The following SLC4A4 variants were observed in gnomAD, a reference collection of about 807,000 sequenced individuals.
SLC4A4 encodes the protein solute carrier family 4 member 4, also known as electrogenic sodium bicarbonate cotransporter 1.
A neutral mutation model predicts 111.5 loss-of-function variants in SLC4A4; 27 were observed. The ratio of observed to expected loss-of-function variants is 0.24; its 90% CI spans 0.18 to 0.33. The LOEUF is 0.33. SLC4A4 is among the 10% of genes least tolerant of loss of function. The pLI is 1.00. For missense variants in SLC4A4, 909 were observed against 1,315.5 expected (o/e 0.69, Z 4.78); for synonymous variants, 443 against 463.4 (o/e 0.96, Z 0.57).
chr4:71,262,493 A>G lies in SLC4A4; in HGVS notation c.253+7094A>G, dbSNP rs2602074. Among the ~76,000 whole-genome samples the G allele has an allele frequency of 6.4e-3, 970 of 152,306 alleles. 13 individuals carry two copies. Among genetic ancestry groups the G allele is most frequent in the African/African-American group, 0.022 (916 of 41,570 alleles). On this transcript the variant is annotated intron_variant, in intron 3 of 25. Transcript: ENST00000264485. ...AGGAGTCTCCATTTTCCTGGTTAAT[A>G]TAGAATCAAGATCCAAGTTATCCTT... is the stretch of plus-strand genomic sequence containing the variant.
At chr4:71,509,842 G>A (rs919073659) in intron 16 of SLC4A4, among the ~76,000 whole-genome samples, 28 of 152,162 alleles carry the variant, frequency 1.8e-4, no homozygotes, top group African/African-American at 6.8e-4. Context: ...TTGGTTCTAT[G>A]CTTTGTACAC....
At chr4:71,511,134 A>G (rs1731875494) in intron 16 of SLC4A4, among the ~76,000 whole-genome samples, 1 of 152,250 alleles carries the variant, frequency 6.6e-6, no homozygotes, top group Middle Eastern at 3.4e-3. Flanking sequence ...TATATCAAAT[A>G]TATAAGTAAT....
intron 7 of SLC4A4, among the ~76,000 whole-genome samples, chr4:71,423,610 C>T (rs1342229562): frequency 4.6e-5 from 7 of 152,214 alleles, no homozygotes; most frequent in Admixed American, 4.6e-4. Flanking sequence ...GCTACAGTAA[C>T]CAAAACAGCA....
chr4:71,400,471 G>A (rs996272043), intron 7 of SLC4A4, among the ~76,000 whole-genome samples: 1 of 152,146 alleles, frequency 6.6e-6, no homozygotes. Context: ...ATTCAGGAAT[G>A]TTCCTTTTGT....
At chr4:71,080,686 G>A (rs1328308027) in intron 1 of SLC4A4, among the ~76,000 whole-genome samples, 2 of 151,990 alleles carry the variant, frequency 1.3e-5, no homozygotes, top group African/African-American at 4.8e-5. Context: ...TCTGGGGTGA[G>A]TTGTGAGCAC....
At chr4:71,393,373 G>A (rs922024632) in intron 6 of SLC4A4, among the ~76,000 whole-genome samples, 2 of 151,972 alleles carry the variant, frequency 1.3e-5, no homozygotes, top group African/African-American at 2.4e-5. Context: ...CACCAACAGC[G>A]ACTCAACGGA....
intron 1 of SLC4A4, among the ~76,000 whole-genome samples, chr4:71,213,023 T>A (rs1718226376): frequency 6.6e-6 from 1 of 152,222 alleles, no homozygotes; most frequent in Admixed American, 6.5e-5. Flanking sequence ...TCATGTGCTG[T>A]ATGGGTTTGT....
At chr4:71,412,035 A>G (rs185117784) in intron 7 of SLC4A4, among the ~76,000 whole-genome samples, 47 of 152,378 alleles carry the variant, frequency 3.1e-4, no homozygotes, top group African/African-American at 1.1e-3. Context: ...AGATTAAGAC[A>G]TAATACGTTA....
chr4:71,164,670 A>C (rs1744697622), intron 2 of SLC4A4, among the ~76,000 whole-genome samples: 1 of 152,146 alleles, frequency 6.6e-6, no homozygotes, highest in Non-Finnish European at 1.5e-5. Flanking sequence ...AAAACACCAA[A>C]AGCAATGGCA....
chr4:71,487,136 G>A (rs566714080), intron 15 of SLC4A4, 118 bp downstream of exon 15: 10 of 611,426 alleles, frequency 1.6e-5, no homozygotes, highest in Middle Eastern at 4.8e-4. Flanking sequence ...GAACACATAC[G>A]TAACAATTAT....
In SLC4A4 at chr4:71,569,764, G is replaced by C. The variant is rs1274050850; in HGVS notation, c.*2013G>C. On this transcript the variant is annotated 3_prime_UTR_variant, in exon 26 of 26. Coordinates refer to ENST00000264485, the MANE Select transcript of SLC4A4 (RefSeq NM_001098484.3). ...TATTATTCTGTCTCCTTGTAATTTT[G>C]ATTACAAAAATTTTATTATCCTGAG... 1 of 151,390 alleles carries C rather than the reference G, an allele frequency of 6.6e-6. No individual in the cohort carries two copies. Among genetic ancestry groups the C allele is most frequent in the Non-Finnish European group, 1.5e-5 (1 of 67,682 alleles). The allele number at this position is 151,390 out of a possible 1,614,324, so 9.4% of individuals were successfully genotyped here. A position where few individuals can be genotyped will look rare whatever the true frequency, so the allele number is the denominator to read the frequency against.
chr4:71,462,880 G>T (rs1182748830), intron 12 of SLC4A4, among the ~76,000 whole-genome samples: 2 of 152,116 alleles, frequency 1.3e-5, no homozygotes, highest in African/African-American at 4.8e-5. Context: ...ATTGATCCAG[G>T]AAATAATATG....
At position 71,260,132 on chromosome 4, in the gene SLC4A4, G is replaced by C. The variant is rs533887184; in HGVS notation, c.253+4733G>C. On this transcript the variant is annotated intron_variant, in intron 3 of 25. Coordinates refer to ENST00000264485, the MANE Select transcript of SLC4A4 (RefSeq NM_001098484.3). ...CTGTGAGCCTGGGACAATGGATGCT[G>C]GTTGGTGATCCAGTTATATTCAGGA... is the stretch of plus-strand genomic sequence containing the variant. Among the ~76,000 whole-genome samples the C allele has an allele frequency of 3.0e-4, 46 of 152,248 alleles. No individual in the cohort carries two copies. The Middle Eastern group carries it at 0.01, about 34-fold the overall frequency.
intron 2 of SLC4A4, among the ~76,000 whole-genome samples, chr4:71,157,334 T>A (rs1744505220): frequency 6.6e-6 from 1 of 152,200 alleles, no homozygotes. Context: ...TTTTTCTTCA[T>A]ATAAAAGTAA....
At chr4:71,086,887 C>T (rs1742193058) in intron 1 of SLC4A4, among the ~76,000 whole-genome samples, 5 of 151,974 alleles carry the variant, frequency 3.3e-5, no homozygotes. Flanking sequence ...GTGTCTCTGC[C>T]AGGCTTTGGT....
chr4:71,109,451 T>C (rs867234201), intron 2 of SLC4A4, among the ~76,000 whole-genome samples: 2 of 152,178 alleles, frequency 1.3e-5, no homozygotes, highest in African/African-American at 4.8e-5. Context: ...ACTGCCTCCC[T>C]GTTGCATCTC....
At chr4:71,299,543 G>A (rs1036075270) in intron 3 of SLC4A4, among the ~76,000 whole-genome samples, 3 of 152,170 alleles carry the variant, frequency 2.0e-5, no homozygotes, top group African/African-American at 7.2e-5. Context: ...TGGCTCTCAG[G>A]ATGATCAGAG....
chr4:71,364,441 A>T (rs936278333), intron 6 of SLC4A4, among the ~76,000 whole-genome samples: 1 of 152,174 alleles, frequency 6.6e-6, no homozygotes, highest in Non-Finnish European at 1.5e-5. Flanking sequence ...AATAGCTTAG[A>T]TTGGGTAATT....
chr4:71,557,784 C>G lies in SLC4A4; in HGVS notation c.2836C>G (p.Pro946Ala). The G allele has an allele frequency of 6.2e-7, 1 of 1,612,708 alleles. No homozygotes were observed. The highest frequency in any genetic ancestry group is 8.5e-7 in the Non-Finnish European group (1 of 1,179,250). ...TGACTTCATCTACCTGCGTCATGTTCCTCTGCGCAGAGTCCACCTGTTCAC... is the reference window on the plus strand; with the variant it reads ...TGACTTCATCTACCTGCGTCATGTTGCTCTGCGCAGAGTCCACCTGTTCAC... Reference protein sequence around the residue: ...QPDFIYLRHVPLRRVHLFTFL... With the variant: ...QPDFIYLRHVALRRVHLFTFL... The change falls in exon 22 of 26, where the codon CCT becomes GCT. Residue 946 changes from proline to alanine, a missense_variant. Physicochemically the swap from Pro to Ala is conservative, Grantham distance 27 (BLOSUM62 -1). Coordinates refer to ENST00000264485, the MANE Select transcript of SLC4A4 (RefSeq NM_001098484.3).
Sources: allele counts gnomAD v4.1 joint callset (sites outside exome capture counted in the v4.1 genomes callset), GRCh38; gene constraint gnomAD v4.1.1; transcripts MANE v1.5; gene names NCBI Gene and HGNC (gene_info 2026-07-23, HGNC 2026-07-21).